Variants in ABI1 observed in about 807,000 individuals in gnomAD.
ABI1 encodes the protein Abelson interactor 1.
A neutral mutation model predicts 54.6 loss-of-function variants in ABI1; 14 were observed. The observed-to-expected ratio is 0.26, with a 90% CI of 0.17 to 0.40. ABI1 has a LOEUF of 0.40. ABI1 is among the 10% of genes least tolerant of loss of function. The pLI is 1.00. For synonymous variants in ABI1, 194 were observed against 209.3 expected, an observed-to-expected ratio of 0.93 and a Z score of 0.63; for missense variants, 443 against 598.3, an observed-to-expected ratio of 0.74 and a Z score of 2.71.
chr10:26,785,932 A>T lies in ABI1; in HGVS notation c.286-8691T>A, dbSNP rs1842687188. On this transcript the variant is annotated intron_variant, in intron 2 of 10. Coordinates refer to ENST00000376140, the MANE Select transcript of ABI1 (RefSeq NM_001012750.3). The stretch of plus-strand genomic sequence containing the variant: ...GGAGCAGTGGGCTTGGCAAACTGGC[A>T]CAAATGCTAACACTCTGCCTCCAGT... Among the ~76,000 whole-genome samples, 3 of 152,130 alleles carry T rather than the reference A, an allele frequency of 2.0e-5. No homozygotes were observed. The South Asian group carries it at 6.2e-4, about 32-fold the overall frequency.
At chr10:26,827,862 G>A (rs559910088) in intron 1 of ABI1, among the ~76,000 whole-genome samples, 1 of 152,194 alleles carries the variant, frequency 6.6e-6, no homozygotes, top group Admixed American at 6.5e-5. Flanking sequence ...CAAAGTGCTG[G>A]GATTACAGGC....
chr10:26,801,112 C>A (rs1363084934), intron 2 of ABI1, among the ~76,000 whole-genome samples: 1 of 152,172 alleles, frequency 6.6e-6, no homozygotes, highest in Non-Finnish European at 1.5e-5. Context: ...TGAACTGGAT[C>A]CTTTCCTATG....
intron 2 of ABI1, among the ~76,000 whole-genome samples, chr10:26,794,505 T>G (rs1301758984): frequency 6.6e-6 from 1 of 151,768 alleles, no homozygotes; most frequent in South Asian, 2.1e-4. Flanking sequence ...CTGTGTGGAT[T>G]TAATAGGTGG....
intron 1 of ABI1, among the ~76,000 whole-genome samples, chr10:26,850,463 G>A (rs535600652): frequency 1.2e-3 from 184 of 151,994 alleles, no homozygotes; most frequent in African/African-American, 4.2e-3. Flanking sequence ...TTCAAGACCA[G>A]CCTGGCCAAC....
chr10:26,851,348 A>ATTTTT lies in ABI1; in HGVS notation c.117+9394_117+9398dup, dbSNP rs397724445. 2.7e-3 allele frequency among the ~76,000 whole-genome samples: 184 copies of ATTTTT among 67,808 alleles called. 30 individuals carry two copies. Among genetic ancestry groups the ATTTTT allele is most frequent in the African/African-American group, 0.01 (156 of 15,546 alleles). 44.5% of individuals were successfully genotyped at this position (67,808 alleles called of 152,430 possible). ...GTAGCTGGGACTACAGACTAAGCTA[A>ATTTTT]TTTTTTTTTTTTTTTTTTTTTTTTT... On this transcript the variant is annotated intron_variant, in intron 1 of 10. Transcript: ENST00000376140.
chr10:26,752,603 A>AT lies in ABI1; in HGVS notation c.1085-821dup, dbSNP rs558522586. The stretch of plus-strand genomic sequence containing the variant: ...TTAAACATAAAGTGTTGAAGATGTA[A>AT]TTAAAAAAAACAAACAAAAAGGAAC... On this transcript the variant is annotated intron_variant, in intron 9 of 10. Coordinates refer to ENST00000376140, the MANE Select transcript of ABI1 (RefSeq NM_001012750.3). Among the ~76,000 whole-genome samples, 146 of 150,898 alleles carry AT rather than the reference A, an allele frequency of 9.7e-4. 1 individual carries two copies. The highest frequency in any genetic ancestry group is 3.5e-3 in the Middle Eastern group (1 of 284).
intron 8 of ABI1, 38 bp from the exon 9 acceptor site, chr10:26,755,779 A>G: frequency 7.1e-7 from 1 of 1,412,112 alleles, no homozygotes; most frequent in Non-Finnish European, 9.8e-7. Flanking sequence ...AGTAAAACAG[A>G]TAAAGGAAAG....
intron 2 of ABI1, among the ~76,000 whole-genome samples, chr10:26,798,761 G>A (rs1043729941): frequency 2.0e-5 from 3 of 151,508 alleles, no homozygotes; most frequent in Non-Finnish European, 4.4e-5. Context: ...CTGGACTGAC[G>A]GCATCCTAGA....
chr10:26,833,208 T>C (rs1341509126), intron 1 of ABI1, among the ~76,000 whole-genome samples: 1 of 152,178 alleles, frequency 6.6e-6, no homozygotes, highest in East Asian at 1.9e-4. Context: ...GGAATGCCAG[T>C]TGGGGCATAC....
At chr10:26,781,943 C>G (rs888042319) in intron 2 of ABI1, among the ~76,000 whole-genome samples, 1 of 152,150 alleles carries the variant, frequency 6.6e-6, no homozygotes, top group African/African-American at 2.4e-5. Context: ...GTAAAAGACT[C>G]TATGTTCCTG....
intron 6 of ABI1, among the ~76,000 whole-genome samples, chr10:26,766,107 A>G (rs1839922821): frequency 2.0e-5 from 3 of 152,060 alleles, no homozygotes. Context: ...TTAATATGAA[A>G]CTTCCTCTCA....
chr10:26,840,324 C>A (rs1336611556), intron 1 of ABI1, among the ~76,000 whole-genome samples: 1 of 152,200 alleles, frequency 6.6e-6, no homozygotes, highest in Non-Finnish European at 1.5e-5. Context: ...CCCTTCCCTT[C>A]AGCTACAAGT....
Position 26,746,777 on chromosome 10 carries a change from A to T in ABI1, c.*1793T>A, listed in dbSNP as rs1440699462. 9.6e-6 allele frequency: 4 copies of T among 414,726 alleles called. No homozygotes were observed. Among genetic ancestry groups the T allele is most frequent in the Admixed American group, 7.7e-5 (2 of 25,856 alleles). 25.7% of individuals were successfully genotyped at this position (414,726 alleles called of 1,614,324 possible). On this transcript the variant is annotated 3_prime_UTR_variant, in exon 11 of 11. Coordinates refer to ENST00000376140, the MANE Select transcript of ABI1 (RefSeq NM_001012750.3). ...ACATGTAAGGCCATTACACAAATAA[A>T]TAACCAATGTTAAAATTCAAATGGT... is the stretch of plus-strand genomic sequence containing the variant.
chr10:26,805,345 T>C (rs1178838172), intron 2 of ABI1, among the ~76,000 whole-genome samples: 2 of 149,630 alleles, frequency 1.3e-5, no homozygotes, highest in Non-Finnish European at 3.0e-5. Flanking sequence ...CAAAAGAACA[T>C]GAAATTTGGA....
At chr10:26,785,704 G>A (rs1842657028) in intron 2 of ABI1, among the ~76,000 whole-genome samples, 2 of 151,126 alleles carry the variant, frequency 1.3e-5, no homozygotes, top group African/African-American at 2.4e-5. Flanking sequence ...TAGCCTGGGC[G>A]ACAGAGTCAG....
intron 1 of ABI1, among the ~76,000 whole-genome samples, chr10:26,830,331 G>T (rs1213860134): frequency 6.6e-6 from 1 of 152,118 alleles, no homozygotes; most frequent in Non-Finnish European, 1.5e-5. Flanking sequence ...AACATTGTAA[G>T]AAACTACCAG....
At position 26,843,336 on chromosome 10, in the gene ABI1, C is replaced by T. The variant is rs2049678773; in HGVS notation, c.117+17411G>A. Among the ~76,000 whole-genome samples, 4 of 149,966 alleles carry T rather than the reference C, an allele frequency of 2.7e-5. No homozygotes were observed. In the South Asian group the frequency reaches 8.5e-4, roughly 32 times the overall value. On this transcript the variant is annotated intron_variant, in intron 1 of 10. Transcript: ENST00000376140. ...GGGTGTGGTGGCATGCACCTGTAGT[C>T]CCAGATACTTGGGAGGCTGAGGCAG...
intron 2 of ABI1, among the ~76,000 whole-genome samples, chr10:26,790,256 A>G (rs1427484690): frequency 6.6e-6 from 1 of 152,240 alleles, no homozygotes; most frequent in Non-Finnish European, 1.5e-5. Flanking sequence ...CCAGCAGTGT[A>G]AAAGCATTCC....
intron 7 of ABI1, among the ~76,000 whole-genome samples, chr10:26,761,240 C>A (rs994903701): frequency 3.9e-5 from 6 of 151,900 alleles, no homozygotes; most frequent in African/African-American, 9.7e-5. Flanking sequence ...TCCCAGCCAA[C>A]CATTTTTAAT....
Sources: gnomAD v4.1 joint callset for allele counts (sites outside exome capture counted in the v4.1 genomes callset) on GRCh38, gnomAD v4.1.1 for gene constraint, MANE v1.5 for transcripts, NCBI Gene and HGNC (gene_info 2026-07-23, HGNC 2026-07-21) for gene names.